The following ROBO1 variants were observed in gnomAD, a reference collection of about 807,000 sequenced individuals.
ROBO1 encodes roundabout guidance receptor 1, also known as roundabout homolog 1.
A neutral mutation model predicts 195.9 loss-of-function variants in ROBO1; 149 were observed. The ratio of observed to expected loss-of-function variants is 0.76; its 90% CI spans 0.67 to 0.87. The LOEUF is 0.87. Among genes scored for constraint, ROBO1 ranks in the 40% least tolerant of loss-of-function variants. The pLI is 0.00. For missense variants in ROBO1, 1,933 were observed against 2,068.3 expected (o/e 0.93, Z 1.27); for synonymous variants, 816 against 733.2 (o/e 1.11, Z -1.82).
intron 2 of ROBO1, among the ~76,000 whole-genome samples, chr3:79,553,774 G>T (rs1047345514): frequency 6.6e-6 from 1 of 151,994 alleles, no homozygotes; most frequent in Non-Finnish European, 1.5e-5. Flanking sequence ...CACTGGCCAC[G>T]GGCCCATGTT....
intron 2 of ROBO1, among the ~76,000 whole-genome samples, chr3:79,277,189 T>TCA (rs1425310513): frequency 6.6e-6 from 1 of 152,130 alleles, no homozygotes; most frequent in African/African-American, 2.4e-5. Flanking sequence ...GTAGCACTAT[T>TCA]CACAGTAGCT....
chr3:79,264,275 G>A (rs1436052934), intron 2 of ROBO1, among the ~76,000 whole-genome samples: 3 of 151,818 alleles, frequency 2.0e-5, no homozygotes, highest in Non-Finnish European at 4.4e-5. Context: ...GGTTCTTTCT[G>A]AGAGAAAGAA....
chr3:79,546,997 G>C (rs537047939), intron 2 of ROBO1, among the ~76,000 whole-genome samples: 8 of 151,750 alleles, frequency 5.3e-5, no homozygotes, highest in African/African-American at 9.7e-5. Context: ...TTGGCTAACA[G>C]GGTGAAAACC....
At chr3:79,138,849 T>C (rs1024156860) in intron 2 of ROBO1, among the ~76,000 whole-genome samples, 2 of 151,920 alleles carry the variant, frequency 1.3e-5, no homozygotes, top group Non-Finnish European at 2.9e-5. Flanking sequence ...AATATAAGTA[T>C]AGATATATTC....
At chr3:78,680,452 C>A (rs1016773964) in intron 10 of ROBO1, among the ~76,000 whole-genome samples, 1 of 152,070 alleles carries the variant, frequency 6.6e-6, no homozygotes, top group Non-Finnish European at 1.5e-5. Flanking sequence ...GGGCTAATAT[C>A]CGGAATCTAC....
intron 4 of ROBO1, among the ~76,000 whole-genome samples, chr3:78,886,442 A>G (rs549100671): frequency 6.6e-6 from 1 of 152,188 alleles, no homozygotes; most frequent in Admixed American, 6.5e-5. Flanking sequence ...AAAAATACAA[A>G]AACTACCCAG....
chr3:79,001,663 T>A (rs756696565), intron 3 of ROBO1, among the ~76,000 whole-genome samples: 4 of 152,122 alleles, frequency 2.6e-5, no homozygotes, highest in Admixed American at 6.6e-5. Flanking sequence ...TTTTAAAAAA[T>A]TATTTTAACA....
chr3:79,725,422 T>G (rs1161484737), intron 1 of ROBO1, among the ~76,000 whole-genome samples: 3 of 151,608 alleles, frequency 2.0e-5, no homozygotes, highest in Non-Finnish European at 4.4e-5. Context: ...GAGACGAGGT[T>G]TCACCGTGTT....
chr3:79,661,718 A>G (rs911009423), intron 1 of ROBO1, among the ~76,000 whole-genome samples: 1 of 151,962 alleles, frequency 6.6e-6, no homozygotes, highest in Non-Finnish European at 1.5e-5. Context: ...CTACCATAAA[A>G]TTGCCTAGAA....
intron 3 of ROBO1, among the ~76,000 whole-genome samples, chr3:79,047,453 A>G (rs2078615636): frequency 6.6e-6 from 1 of 152,092 alleles, no homozygotes. Context: ...ATGGCTTTGG[A>G]GTGCTGATCA....
chr3:79,410,747 A>G (rs1037135484), intron 2 of ROBO1, among the ~76,000 whole-genome samples: 6 of 152,138 alleles, frequency 3.9e-5, no homozygotes, highest in Non-Finnish European at 5.9e-5. Context: ...AGGTCCAGTA[A>G]TAATTTGGTA....
At chr3:79,454,984 G>C (rs1481295688) in intron 2 of ROBO1, among the ~76,000 whole-genome samples, 3 of 152,114 alleles carry the variant, frequency 2.0e-5, no homozygotes. Context: ...AGGTTGGCAA[G>C]AGTTTCTTAG....
chr3:79,479,969 A>G (rs1938750777), intron 2 of ROBO1, among the ~76,000 whole-genome samples: 1 of 152,202 alleles, frequency 6.6e-6, no homozygotes. Flanking sequence ...GAAAATTTGC[A>G]TTTACCTTAG....
intron 22 of ROBO1, among the ~76,000 whole-genome samples, chr3:78,638,244 T>TAC (rs1234078711): frequency 7.3e-6 from 1 of 137,580 alleles, no homozygotes; most frequent in African/African-American, 2.8e-5. Flanking sequence ...TATGTGTGTA[T>TAC]ACACACATAC....
chr3:78,961,852 T>G (rs76504327), intron 3 of ROBO1, among the ~76,000 whole-genome samples: 5 of 152,084 alleles, frequency 3.3e-5, no homozygotes, highest in Admixed American at 6.6e-5. Context: ...CACACTTTTG[T>G]TGTATGTGGT....
rs945274126 is a variant in ROBO1, at chr3:79,395,150, C to T, written c.88+194674G>A. ...CATCCTGGCTAACATGGTGCAACCC[C>T]GTCTCCACTAAAAATACAAAAAATT... On this transcript the variant is annotated intron_variant, in intron 2 of 30. Coordinates refer to ENST00000464233, the MANE Select transcript of ROBO1 (RefSeq NM_002941.4). 4.6e-5 allele frequency among the ~76,000 whole-genome samples: 7 copies of T among 151,630 alleles called. No homozygotes were observed. The South Asian group carries it at 8.3e-4, about 18-fold the overall frequency.
At chr3:79,645,795 T>C (rs1213069307) in intron 1 of ROBO1, among the ~76,000 whole-genome samples, 3 of 152,010 alleles carry the variant, frequency 2.0e-5, no homozygotes, top group Admixed American at 6.6e-5. Flanking sequence ...GAAAACAGAA[T>C]AGAGAACATA....
chr3:79,465,593 C>T (rs1937914604), intron 2 of ROBO1, among the ~76,000 whole-genome samples: 1 of 152,084 alleles, frequency 6.6e-6, no homozygotes, highest in African/African-American at 2.4e-5. Context: ...TTGAAGTATT[C>T]TCATTATTTA....
At chr3:79,037,852 T>C (rs2078408128) in intron 3 of ROBO1, among the ~76,000 whole-genome samples, 2 of 152,338 alleles carry the variant, frequency 1.3e-5, no homozygotes, top group South Asian at 4.1e-4. Flanking sequence ...TTTCTACAAA[T>C]GTGTTCCTCA....
Sources: gnomAD v4.1 joint callset for allele counts (sites outside exome capture counted in the v4.1 genomes callset) on GRCh38, gnomAD v4.1.1 for gene constraint, MANE v1.5 for transcripts, NCBI Gene and HGNC (gene_info 2026-07-23, HGNC 2026-07-21) for gene names.